HPSE2: variants seen among roughly 807,000 people sequenced by gnomAD.
HPSE2 encodes the protein inactive heparanase-2.
HPSE2 carries 38 observed loss-of-function variants against 60.5 expected under a neutral mutation model. That is an observed-to-expected ratio of 0.63 (90% CI 0.48 to 0.82). The LOEUF (loss-of-function observed/expected upper bound fraction) is 0.82, where lower values mean the gene tolerates loss of function less well. HPSE2 is among the 40% of genes least tolerant of loss of function. The pLI is 0.00. For missense variants in HPSE2, 713 were observed against 740.4 expected, an observed-to-expected ratio of 0.96 and a Z score of 0.43; for synonymous variants, 295 against 293.2, an observed-to-expected ratio of 1.01 and a Z score of -0.06.
At chr10:99,116,888 A>G (rs978143357) in intron 3 of HPSE2, among the ~76,000 whole-genome samples, 5 of 152,082 alleles carry the variant, frequency 3.3e-5, no homozygotes, top group African/African-American at 1.2e-4. Flanking sequence ...CTGAAAGTAC[A>G]ATACCCCCAA....
intron 3 of HPSE2, among the ~76,000 whole-genome samples, chr10:99,128,654 G>A (rs1456339203): frequency 1.3e-5 from 2 of 152,038 alleles, no homozygotes; most frequent in Non-Finnish European, 2.9e-5. Context: ...AACAGGGAGG[G>A]AAACAACACA....
chr10:99,115,013 G>A (rs556360067), intron 3 of HPSE2, among the ~76,000 whole-genome samples: 20 of 152,026 alleles, frequency 1.3e-4, no homozygotes, highest in African/African-American at 3.6e-4. Context: ...AGACAGGGTT[G>A]CTCTGTCACC....
chr10:98,577,445 T>C (rs1944672277), intron 9 of HPSE2, among the ~76,000 whole-genome samples: 1 of 152,182 alleles, frequency 6.6e-6, no homozygotes, highest in African/African-American at 2.4e-5. Context: ...TATTGCTCTG[T>C]GGTATTCACT....
intron 3 of HPSE2, among the ~76,000 whole-genome samples, chr10:98,976,636 TG>T (rs1316860369): frequency 1.3e-5 from 2 of 152,098 alleles, no homozygotes; most frequent in Admixed American, 6.6e-5. Flanking sequence ...ACCATCTCTC[TG>T]CTTATAATTG....
chr10:98,914,043 GT>G (rs980452346), intron 3 of HPSE2, among the ~76,000 whole-genome samples: 2 of 152,138 alleles, frequency 1.3e-5, no homozygotes, highest in African/African-American at 4.8e-5. Context: ...GGTTGATATG[GT>G]TTGGCTGTGC....
intron 8 of HPSE2, among the ~76,000 whole-genome samples, chr10:98,615,709 C>T (rs1356033892): frequency 6.6e-6 from 1 of 152,174 alleles, no homozygotes; most frequent in Non-Finnish European, 1.5e-5. Context: ...AAAAATACTG[C>T]CCTCTTAGTT....
intron 8 of HPSE2, among the ~76,000 whole-genome samples, chr10:98,617,470 T>C (rs1945944617): frequency 6.6e-6 from 1 of 152,168 alleles, no homozygotes; most frequent in African/African-American, 2.4e-5. Flanking sequence ...TAGGAAGATA[T>C]TTAAGAAATT....
chr10:99,168,311 T>C (rs1365264100), intron 2 of HPSE2, among the ~76,000 whole-genome samples: 4 of 152,208 alleles, frequency 2.6e-5, no homozygotes, highest in African/African-American at 9.6e-5. Context: ...CATAGGTACT[T>C]TGAGTTCTGC....
At chr10:98,514,737 T>A (rs1942538613) in intron 9 of HPSE2, among the ~76,000 whole-genome samples, 1 of 82,752 alleles carries the variant, frequency 1.2e-5, no homozygotes, top group African/African-American at 3.4e-5. Flanking sequence ...TTTTTTTTTT[T>A]AGACAGAGTC....
intron 9 of HPSE2, among the ~76,000 whole-genome samples, chr10:98,611,506 A>G (rs1255835314): frequency 6.6e-6 from 1 of 152,212 alleles, no homozygotes; most frequent in Non-Finnish European, 1.5e-5. Flanking sequence ...AGCGCTTAAC[A>G]AACTCTCTTG....
At chr10:98,973,023 T>C (rs1316679910) in intron 3 of HPSE2, among the ~76,000 whole-genome samples, 2 of 152,204 alleles carry the variant, frequency 1.3e-5, no homozygotes, top group Non-Finnish European at 2.9e-5. Context: ...AACACTATTA[T>C]GTTGAACTGC....
chr10:99,251,874 A>G, the HPSE2 span, among the ~76,000 whole-genome samples: 8 of 145,954 alleles, frequency 5.5e-5, no homozygotes, highest in Admixed American at 4.3e-4. Context: ...AAAAAAAAAA[A>G]AAAAAAAAAA....
At chr10:98,552,293 GATCATCATC>G (rs6144046) in intron 9 of HPSE2, among the ~76,000 whole-genome samples, 68,162 of 151,168 alleles carry the variant, frequency 0.45, 18,394 homozygotes, top group Middle Eastern at 0.59. Flanking sequence ...GTGTAATGGA[GATCATCATC>G]ATCATCATCA....
chr10:98,968,814 A>C (rs1243713440), intron 3 of HPSE2, among the ~76,000 whole-genome samples: 1 of 152,108 alleles, frequency 6.6e-6, no homozygotes, highest in Non-Finnish European at 1.5e-5. Flanking sequence ...AAAGCATAAG[A>C]ATGATATAAT....
chr10:99,255,552 G>A, the HPSE2 span, among the ~76,000 whole-genome samples: 8 of 114,118 alleles, frequency 7.0e-5, no homozygotes, highest in East Asian at 7.4e-4. Context: ...ACACATGCAC[G>A]CATGCACACA....
At chr10:98,864,995 T>C (rs961834363) in intron 3 of HPSE2, among the ~76,000 whole-genome samples, 2 of 152,164 alleles carry the variant, frequency 1.3e-5, no homozygotes, top group Non-Finnish European at 2.9e-5. Context: ...CAATGATATG[T>C]AATTATGTCA....
At chr10:98,688,477 C>CTTTTTTTTTTTTTTTT (rs1388717965) in intron 6 of HPSE2, among the ~76,000 whole-genome samples, 2 of 83,012 alleles carry the variant, frequency 2.4e-5, no homozygotes, top group Non-Finnish European at 4.6e-5. Context: ...TTTTTTTTTT[C>CTTTTTTTTTTTTTTTT]TTTTTTTTTT....
intron 9 of HPSE2, among the ~76,000 whole-genome samples, chr10:98,574,340 G>C (rs941459040): frequency 6.6e-6 from 1 of 152,108 alleles, no homozygotes; most frequent in African/African-American, 2.4e-5. Flanking sequence ...AATGATAAAA[G>C]AAGAGAACCC....
rs553284156 is a variant in HPSE2, at chr10:98,965,844, T to C, written c.610+178394A>G. ...GAAGACTACTAATCTGCATGGCTCC[T>C]CTTTGTATGCCCTGTTCATTCATTC... On this transcript the variant is annotated intron_variant, in intron 3 of 11. Transcript: ENST00000370552. 2.2e-3 allele frequency among the ~76,000 whole-genome samples: 337 copies of C among 152,284 alleles called. 3 individuals are homozygous for C. The highest frequency in any genetic ancestry group is 1.7e-3 in the Non-Finnish European group (113 of 68,018).
Sources: gnomAD v4.1 joint callset for allele counts (sites outside exome capture counted in the v4.1 genomes callset) on GRCh38, gnomAD v4.1.1 for gene constraint, MANE v1.5 for transcripts, NCBI Gene and HGNC (gene_info 2026-07-23, HGNC 2026-07-21) for gene names.